The following IGF1R variants were observed in gnomAD, a reference collection of about 807,000 sequenced individuals.
IGF1R encodes the protein insulin-like growth factor 1 receptor.
IGF1R carries 44 observed loss-of-function variants against 144.6 expected under a neutral mutation model. That is an observed-to-expected ratio of 0.30 (90% CI 0.24 to 0.39). IGF1R has a LOEUF of 0.39. Ranked by LOEUF, IGF1R falls within the 10% of genes least tolerant of loss-of-function variation. The pLI is 1.00. For missense variants in IGF1R, 1,355 were observed against 1,833.7 expected, an observed-to-expected ratio of 0.74 and a Z score of 4.77; for synonymous variants, 795 against 722.8, an observed-to-expected ratio of 1.10 and a Z score of -1.60.
At chr15:98,662,592 G>C (rs1555429309) in intron 1 of IGF1R, among the ~76,000 whole-genome samples, 1 of 151,978 alleles carries the variant, frequency 6.6e-6, no homozygotes, top group Non-Finnish European at 1.5e-5. Flanking sequence ...ACTCGAGCTT[G>C]TTGTCTAGTT....
intron 9 of IGF1R, chr15:98,916,396 G>C: frequency 1.8e-6 from 1 of 558,762 alleles, no homozygotes; most frequent in Non-Finnish European, 3.2e-6. Context: ...CGAGTAGCTG[G>C]GATTACAGGC....
intron 2 of IGF1R, among the ~76,000 whole-genome samples, chr15:98,772,530 T>C (rs2055613959): frequency 8.1e-6 from 1 of 122,978 alleles, no homozygotes; most frequent in Non-Finnish European, 1.8e-5. Flanking sequence ...GAATTAGGTC[T>C]CTGTTGGCCA....
chr15:98,845,479 C>CCCTCCTCCTCCTTCCTTCT (rs2011282869), intron 2 of IGF1R, among the ~76,000 whole-genome samples: 2 of 117,340 alleles, frequency 1.7e-5, no homozygotes, highest in South Asian at 7.3e-4. Context: ...CCCTCCTCCT[C>CCCTCCTCCTCCTTCCTTCT]CCTCCTCCTC....
At position 98,785,480 on chromosome 15, in the gene IGF1R, A is replaced by ACAT. The variant is rs1319406615; in HGVS notation, c.640+77373_640+77374insCAT. On this transcript the variant is annotated intron_variant, in intron 2 of 20. Transcript: ENST00000650285. ...CCCAGGTAATCCAGAGTTAAAAATAATGTTCATAAGGAAGGGTAGCAAAAT... is the reference window on the plus strand; with the variant it reads ...CCCAGGTAATCCAGAGTTAAAAATAACATTGTTCATAAGGAAGGGTAGCAAAAT... 9.2e-5 allele frequency among the ~76,000 whole-genome samples: 14 copies of ACAT among 152,222 alleles called. 1 individual carries two copies. Among genetic ancestry groups the ACAT allele is most frequent in the Admixed American group, 9.2e-4 (14 of 15,284 alleles).
At chr15:98,879,381 A>G (rs1167171752) in intron 2 of IGF1R, among the ~76,000 whole-genome samples, 3 of 151,962 alleles carry the variant, frequency 2.0e-5, no homozygotes, top group African/African-American at 4.8e-5. Flanking sequence ...CCTTGCTGCC[A>G]TCTAAGGAGG....
chr15:98,875,865 A>G (rs187763703), intron 2 of IGF1R, among the ~76,000 whole-genome samples: 12 of 152,290 alleles, frequency 7.9e-5, no homozygotes, highest in Admixed American at 3.3e-4. Flanking sequence ...GTGGTCAGAT[A>G]GTTTGCCGGG....
chr15:98,761,456 G>C (rs1313367074), intron 2 of IGF1R, among the ~76,000 whole-genome samples: 1 of 152,174 alleles, frequency 6.6e-6, no homozygotes, highest in East Asian at 1.9e-4. Context: ...TGACTTCATG[G>C]ACCAGTCACA....
intron 2 of IGF1R, among the ~76,000 whole-genome samples, chr15:98,886,266 A>ATGTG (rs911295918): frequency 2.4e-4 from 36 of 152,294 alleles, no homozygotes; most frequent in Middle Eastern, 6.8e-3. Flanking sequence ...TTAAAGGCTG[A>ATGTG]TGTGTGTGAC....
chr15:98,916,709 C>A lies in IGF1R; in HGVS notation c.2034C>A (p.Ile678=), dbSNP rs2015267838. 1 of 1,614,090 alleles carries A rather than the reference C, an allele frequency of 6.2e-7. No homozygotes were observed. Among genetic ancestry groups the A allele is most frequent in the Non-Finnish European group, 8.5e-7 (1 of 1,180,012 alleles). ...TCAGGAAGTATGCCGACGGCACCAT[C>A]GACATTGAGGAGGTCACAGAGAACC... ...IPIRKYADGT[I]DIEEVTENPK... is the part of the protein sequence containing the mutation. Residue 678 remains isoleucine (I), a synonymous_variant, in exon 10 of 21, where the codon ATC becomes ATA. Transcript: ENST00000650285.
chr15:98,891,452 T>C lies in IGF1R; in HGVS notation c.768T>C (p.Tyr256=), dbSNP rs1184474906. 3.1e-6 allele frequency: 5 copies of C among 1,613,936 alleles called. No individual in the cohort carries two copies. Among genetic ancestry groups the C allele is most frequent in the Non-Finnish European group, 4.2e-6 (5 of 1,180,022 alleles). ...TACVACRHYY[Y]AGVCVPACPP... ...GTGTAGCTTGCCGCCACTACTACTA[T>C]GCCGGTGTCTGTGTGCCTGCCTGCC... The change falls in exon 3 of 21, where the codon TAT becomes TAC. Residue 256 remains tyrosine, a synonymous_variant. Coordinates refer to ENST00000650285, the MANE Select transcript of IGF1R (RefSeq NM_000875.5). The surrounding 1 kb of genome is among the most constrained non-coding windows in gnomAD (Gnocchi z 4.7).
intron 2 of IGF1R, among the ~76,000 whole-genome samples, chr15:98,721,047 T>C (rs970167090): frequency 6.6e-6 from 1 of 152,142 alleles, no homozygotes; most frequent in African/African-American, 2.4e-5. Context: ...TCTGCTGTAT[T>C]TTTTGGTTTT....
chr15:98,816,611 T>C (rs983628586), intron 2 of IGF1R, among the ~76,000 whole-genome samples: 1 of 152,228 alleles, frequency 6.6e-6, no homozygotes. Context: ...ACTCTGTAGC[T>C]GCAGATAATA....
At chr15:98,657,410 C>T (rs2052512049) in intron 1 of IGF1R, among the ~76,000 whole-genome samples, 1 of 152,136 alleles carries the variant, frequency 6.6e-6, no homozygotes, top group Admixed American at 6.5e-5. Context: ...TTGTAAAATC[C>T]CTCTCAGTTG....
rs756839776 is a variant in IGF1R at position 98,713,098 on chromosome 15, C to T, written c.640+4991C>T. On this transcript the variant is annotated intron_variant, in intron 2 of 20. Transcript: ENST00000650285. Reference sequence around the variant, plus strand: ...GTCCTTGGCCCCAGTGGTGCTCTCCCGTGCTGACCAGCCGGCACGGCTCAC... The same window carrying T: ...GTCCTTGGCCCCAGTGGTGCTCTCCTGTGCTGACCAGCCGGCACGGCTCAC... Among the ~76,000 whole-genome samples, 20 of 151,952 alleles carry T rather than the reference C, an allele frequency of 1.3e-4. No individual in the cohort carries two copies. The South Asian group carries it at 1.7e-3, about 13-fold the overall frequency.
rs2055608700 is a variant in IGF1R, at chr15:98,772,472, T to TA, written c.640+64370dup. On this transcript the variant is annotated intron_variant, in intron 2 of 20. Transcript: ENST00000650285. Reference sequence around the variant, plus strand: ...GGAAGACTTCATTCAAGAGGTCACTTAAAAATTATTATTATTATTATTATT... The same window carrying TA: ...GGAAGACTTCATTCAAGAGGTCACTTAAAAAATTATTATTATTATTATTATT... Among the ~76,000 whole-genome samples, 4 of 131,424 alleles carry TA rather than the reference T, an allele frequency of 3.0e-5. No individual in the cohort carries two copies. The South Asian group carries it at 1.0e-3, about 34-fold the overall frequency. The allele number at this position is 131,424 out of a possible 152,430, so 86.2% of individuals were successfully genotyped here. A position where few individuals can be genotyped will look rare whatever the true frequency, so the allele number is the denominator to read the frequency against.
chr15:98,826,052 T>C (rs1020174483), intron 2 of IGF1R, among the ~76,000 whole-genome samples: 4 of 152,190 alleles, frequency 2.6e-5, no homozygotes, highest in African/African-American at 9.7e-5. Flanking sequence ...AGTCTGTGTG[T>C]GTAGAGTTGT....
rs577478721 is a variant in IGF1R at position 98,768,919 on chromosome 15, T to G, written c.640+60812T>G. Among the ~76,000 whole-genome samples, 372 of 94,172 alleles carry G rather than the reference T, an allele frequency of 4.0e-3. 3 individuals are homozygous for G. The highest frequency in any genetic ancestry group is 0.011 in the African/African-American group (350 of 30,464). 61.8% of individuals were successfully genotyped at this position (94,172 alleles called of 152,430 possible). On this transcript the variant is annotated intron_variant, in intron 2 of 20. Coordinates refer to ENST00000650285, the MANE Select transcript of IGF1R (RefSeq NM_000875.5). ...CTCCAACCTGGGTGACAGAGTGAGA[T>G]TCCGTCTCAAAAACAACAACAACAA...
intron 2 of IGF1R, among the ~76,000 whole-genome samples, chr15:98,868,566 C>T (rs1405804199): frequency 1.3e-5 from 2 of 152,112 alleles, no homozygotes; most frequent in African/African-American, 2.4e-5. Flanking sequence ...GTGGCGCATA[C>T]AGGTGCCCTG....
intron 2 of IGF1R, among the ~76,000 whole-genome samples, chr15:98,815,871 C>T (rs141778793): frequency 6.6e-6 from 1 of 152,290 alleles, no homozygotes; most frequent in East Asian, 1.9e-4. Context: ...GGTACCATTG[C>T]CCACATGCTG....
Sources: allele counts gnomAD v4.1 joint callset (sites outside exome capture counted in the v4.1 genomes callset), GRCh38; gene constraint gnomAD v4.1.1; non-coding constraint Gnocchi (gnomAD v3.1); transcripts MANE v1.5; gene names NCBI Gene and HGNC (gene_info 2026-07-23, HGNC 2026-07-21).